RELL1: variants seen among roughly 807,000 people sequenced by gnomAD.
RELL1 encodes RELT-like protein 1.
RELL1 carries 10 observed loss-of-function variants against 23.0 expected under a neutral mutation model. The ratio of observed to expected loss-of-function variants is 0.43; its 90% CI spans 0.27 to 0.74. The LOEUF (loss-of-function observed/expected upper bound fraction) is 0.74, where lower values mean the gene tolerates loss of function less well. RELL1 is among the 30% of genes least tolerant of loss of function. The probability of loss-of-function intolerance (pLI) is 0.19; values close to 1 mark genes in which losing one functional copy is unlikely to be tolerated. For missense variants in RELL1, 315 were observed against 364.4 expected, an observed-to-expected ratio of 0.86 and a Z score of 1.10; for synonymous variants, 146 against 146.8, an observed-to-expected ratio of 0.99 and a Z score of 0.04.
At chr4:37,638,170 G>A (rs981860499) in intron 4 of RELL1, among the ~76,000 whole-genome samples, 7 of 152,254 alleles carry the variant, frequency 4.6e-5, no homozygotes, top group African/African-American at 1.2e-4. Flanking sequence ...TCCCCACTAC[G>A]GGACATTGAC....
intron 3 of RELL1, among the ~76,000 whole-genome samples, chr4:37,643,051 C>T (rs1720582507): frequency 6.6e-6 from 1 of 152,222 alleles, no homozygotes; most frequent in African/African-American, 2.4e-5. Flanking sequence ...GTGGATCCCT[C>T]CTCCCAGCCA....
chr4:37,617,627 A>G (rs544431196), intron 6 of RELL1, among the ~76,000 whole-genome samples: 1 of 152,300 alleles, frequency 6.6e-6, no homozygotes, highest in East Asian at 1.9e-4. Flanking sequence ...TACTAAAAAT[A>G]CAAAAATTAG....
intron 1 of RELL1, among the ~76,000 whole-genome samples, chr4:37,655,084 T>A (rs1246836927): frequency 1.3e-5 from 2 of 152,128 alleles, no homozygotes; most frequent in African/African-American, 2.4e-5. Flanking sequence ...CTTTGTGAGG[T>A]CTGATGGATG....
At chr4:37,641,236 C>CA (rs1367822860) in intron 3 of RELL1, among the ~76,000 whole-genome samples, 1 of 152,116 alleles carries the variant, frequency 6.6e-6, no homozygotes, top group African/African-American at 2.4e-5. Context: ...GTGGGACACA[C>CA]ACACACACAC....
intron 6 of RELL1, among the ~76,000 whole-genome samples, chr4:37,620,556 T>C (rs1237051730): frequency 1.3e-5 from 2 of 152,220 alleles, no homozygotes; most frequent in South Asian, 2.1e-4. Context: ...ACACTTCTGA[T>C]TTAATGTCTA....
chr4:37,663,999 C>A (rs1721444181), intron 1 of RELL1, among the ~76,000 whole-genome samples: 1 of 152,206 alleles, frequency 6.6e-6, no homozygotes, highest in Admixed American at 6.5e-5. Flanking sequence ...CTGAAGTCAG[C>A]TGTAGGTGAA....
chr4:37,619,008 T>C (rs1447339562), intron 6 of RELL1, among the ~76,000 whole-genome samples: 1 of 151,818 alleles, frequency 6.6e-6, no homozygotes, highest in Non-Finnish European at 1.5e-5. Context: ...GCATCCCGAG[T>C]AGGTGGGATT....
At chr4:37,662,924 G>A (rs947153193) in intron 1 of RELL1, among the ~76,000 whole-genome samples, 3 of 152,240 alleles carry the variant, frequency 2.0e-5, no homozygotes, top group Admixed American at 1.3e-4. Flanking sequence ...ACAACAGAAG[G>A]CTCATCTGAC....
At chr4:37,667,581 G>A (rs189885970) in intron 1 of RELL1, among the ~76,000 whole-genome samples, 80 of 150,394 alleles carry the variant, frequency 5.3e-4, no homozygotes, top group South Asian at 1.8e-3. Flanking sequence ...CAGGGTTCAC[G>A]TAGTAGAGTT....
chr4:37,605,842 A>G (rs543326364), downstream of RELL1, among the ~76,000 whole-genome samples: 70 of 117,590 alleles, frequency 6.0e-4, 1 homozygote, highest in African/African-American at 1.8e-3. Context: ...AAAGAAAGAA[A>G]GAAGGAAAAG....
chr4:37,650,006 C>T (rs1720851712), intron 1 of RELL1, among the ~76,000 whole-genome samples: 1 of 152,196 alleles, frequency 6.6e-6, no homozygotes, highest in South Asian at 2.1e-4. Flanking sequence ...AACTTAACAT[C>T]TTGATGCCTT....
intron 1 of RELL1, among the ~76,000 whole-genome samples, chr4:37,671,258 G>T (rs1359792884): frequency 2.0e-5 from 3 of 152,180 alleles, no homozygotes; most frequent in Non-Finnish European, 2.9e-5. Flanking sequence ...ATTATCAGAG[G>T]CGTTTGAACC....
intron 6 of RELL1, among the ~76,000 whole-genome samples, chr4:37,596,728 ATATATATATTTTTTTTTTTTT>A (rs1263664726): frequency 0.021 from 351 of 16,704 alleles, 3 homozygotes; most frequent in African/African-American, 0.053. Flanking sequence ...ATATATATAT[ATATATATATTTTTTTTTTTTT>A]TTTTTTTTTT....
intron 1 of RELL1, among the ~76,000 whole-genome samples, chr4:37,667,875 C>G (rs28452885): frequency 0.34 from 51,474 of 151,716 alleles, 10,737 homozygotes; most frequent in African/African-American, 0.6. Flanking sequence ...ACTTCCTTTG[C>G]ACTCTTAAAA....
intron 6 of RELL1, among the ~76,000 whole-genome samples, chr4:37,620,862 T>C (rs1394381952): frequency 6.6e-6 from 1 of 152,218 alleles, no homozygotes; most frequent in Non-Finnish European, 1.5e-5. Context: ...GATATAGTAA[T>C]TTAACACCTA....
Position 37,610,948 on chromosome 4 carries a change from T to C in RELL1, c.*2398A>G, listed in dbSNP as rs1042667379. Among the ~76,000 whole-genome samples the C allele has an allele frequency of 6.6e-6, 1 of 152,188 alleles. No homozygotes were observed. Among genetic ancestry groups the C allele is most frequent in the African/African-American group, 2.4e-5 (1 of 41,446 alleles). On this transcript the variant is annotated 3_prime_UTR_variant, in exon 7 of 7. Transcript: ENST00000454158. This position sits in a 1 kb window ranked among gnomAD's most constrained non-coding sequence, Gnocchi z 4.1. ...TCAGTATAAACCAGTAAAAAGCGTA[T>C]GTGTTGAAAATACTGAACGCTTAAT...
chr4:37,649,580 A>C, intron 1 of RELL1, 80 bp from the exon 2 acceptor site: 6 of 1,320,252 alleles, frequency 4.5e-6, no homozygotes, highest in Admixed American at 1.9e-5. Context: ...TAATGTTCAC[A>C]GTAAGTCAGG....
At position 37,612,407 on chromosome 4, in the gene RELL1, G is replaced by A. The variant is rs1403787309; in HGVS notation, c.*939C>T. Reference sequence around the variant, plus strand: ...TCCCAGCACTTTGGGAGGCCGAGGCGGGTAGATCGCCTGAGGTCAGGAGTT... The same window carrying A: ...TCCCAGCACTTTGGGAGGCCGAGGCAGGTAGATCGCCTGAGGTCAGGAGTT... On this transcript the variant is annotated 3_prime_UTR_variant, in exon 7 of 7. Coordinates refer to ENST00000454158, the MANE Select transcript of RELL1 (RefSeq NM_001085400.2). Among the ~76,000 whole-genome samples, 2 of 151,514 alleles carry A rather than the reference G, an allele frequency of 1.3e-5. No homozygotes were observed. The highest frequency in any genetic ancestry group is 1.9e-4 in the East Asian group (1 of 5,158).
downstream of RELL1, among the ~76,000 whole-genome samples, chr4:37,609,993 C>T (rs1719325935): frequency 6.6e-6 from 1 of 152,124 alleles, no homozygotes; most frequent in Non-Finnish European, 1.5e-5. Flanking sequence ...TGATTGACTC[C>T]AATTTTGAAA....
Sources: gnomAD v4.1 joint callset for allele counts (sites outside exome capture counted in the v4.1 genomes callset) on GRCh38, gnomAD v4.1.1 for gene constraint, Gnocchi (gnomAD v3.1) non-coding constraint, MANE v1.5 for transcripts, NCBI Gene and HGNC (gene_info 2026-07-23, HGNC 2026-07-21) for gene names.